TRAPPC10: variants seen among roughly 807,000 people sequenced by gnomAD.
TRAPPC10 encodes the protein TRAPP 130 kDa subunit.
TRAPPC10 carries 23 observed loss-of-function variants against 125.5 expected under a neutral mutation model. The observed-to-expected ratio is 0.18, with a 90% CI of 0.13 to 0.26. TRAPPC10 has a LOEUF of 0.26. Among genes scored for constraint, TRAPPC10 ranks in the 10% least tolerant of loss-of-function variants. TRAPPC10 has a pLI of 1.00. For missense variants in TRAPPC10, 1,123 were observed against 1,308.4 expected (o/e 0.86, Z 2.19); for synonymous variants, 509 against 518.0 (o/e 0.98, Z 0.24).
At chr21:44,014,149 A>G (rs2031525214) in intron 1 of TRAPPC10, among the ~76,000 whole-genome samples, 3 of 152,194 alleles carry the variant, frequency 2.0e-5, no homozygotes, top group Admixed American at 2.0e-4. Flanking sequence ...ATATGTATTT[A>G]TAGGCATTAT....
rs1286372512 is a variant in TRAPPC10 at position 44,084,148 on chromosome 21, C to T, written c.2265C>T (p.Leu755=). The change falls in exon 15 of 23, where the codon CTC becomes CTT. Residue 755 remains leucine (L), a synonymous_variant. Coordinates refer to ENST00000291574, the MANE Select transcript of TRAPPC10 (RefSeq NM_003274.5). ...CCAAGGAACCTGGAACGTATACACT[C>T]AGGCAGCTGTGCGCCTCGGTGGGCT... ...TQAKEPGTYT[L]RQLCASVGSV... is the part of the protein sequence containing the mutation. 3.1e-6 allele frequency: 5 copies of T among 1,614,112 alleles called. No homozygotes were observed. In the Admixed American group the frequency reaches 5.0e-5, roughly 16 times the overall value.
chr21:44,057,606 G>T (rs931009639), intron 5 of TRAPPC10, among the ~76,000 whole-genome samples: 5 of 152,292 alleles, frequency 3.3e-5, no homozygotes, highest in Admixed American at 3.3e-4. Flanking sequence ...TTTAAAAATG[G>T]TTAAGATGGT....
chr21:44,014,258 T>A (rs554708807), intron 1 of TRAPPC10, among the ~76,000 whole-genome samples: 1 of 152,298 alleles, frequency 6.6e-6, no homozygotes, highest in African/African-American at 2.4e-5. Flanking sequence ...TTGGAGATAT[T>A]TAATGTTTAG....
At chr21:44,075,443 T>C (rs1447617849) in intron 9 of TRAPPC10, among the ~76,000 whole-genome samples, 3 of 152,148 alleles carry the variant, frequency 2.0e-5, no homozygotes, top group Non-Finnish European at 4.4e-5. Flanking sequence ...CCACTGTCTC[T>C]CTGAATTACA....
intron 3 of TRAPPC10, among the ~76,000 whole-genome samples, chr21:44,038,520 G>T (rs1339106988): frequency 6.6e-6 from 1 of 151,964 alleles, no homozygotes; most frequent in African/African-American, 2.4e-5. Flanking sequence ...TCCGTGGAAC[G>T]AGTGGGCCTC....
At chr21:44,019,423 C>T (rs1318581376) in intron 1 of TRAPPC10, among the ~76,000 whole-genome samples, 2 of 152,200 alleles carry the variant, frequency 1.3e-5, no homozygotes, top group Non-Finnish European at 2.9e-5. Flanking sequence ...CTCAGAGCTT[C>T]CTGTGGCTTC....
chr21:44,093,396 A>G lies in TRAPPC10; in HGVS notation c.2998-667A>G, dbSNP rs762863338. 3.3e-5 allele frequency among the ~76,000 whole-genome samples: 5 copies of G among 152,166 alleles called. No individual in the cohort carries two copies. In the East Asian group the frequency reaches 5.8e-4, roughly 18 times the overall value. ...CTTGAACCTGGGAGGTTGGGCTGCA[A>G]TGAGCTGTGATCACACCACAGCACT... On this transcript the variant is annotated intron_variant, in intron 19 of 22. Coordinates refer to ENST00000291574, the MANE Select transcript of TRAPPC10 (RefSeq NM_003274.5).
rs150134610 is a variant in TRAPPC10, at chr21:44,101,035, A to G, written c.3347-1743A>G. On this transcript the variant is annotated intron_variant, in intron 21 of 22. Coordinates refer to ENST00000291574, the MANE Select transcript of TRAPPC10 (RefSeq NM_003274.5). ...GCTGGGCGTGGTGGCAGGCGCCTAT[A>G]AGCCCAGCTACTTGGGAGGCTGAGG... is the stretch of plus-strand genomic sequence containing the variant. 8.4e-5 allele frequency among the ~76,000 whole-genome samples: 6 copies of G among 71,686 alleles called. 3 individuals carry two copies. The Admixed American group carries it at 9.1e-4, about 11-fold the overall frequency. The allele number at this position is 71,686 out of a possible 152,430, so 47.0% of individuals were successfully genotyped here.
Position 44,063,262 on chromosome 21 carries a change from G to A in TRAPPC10, c.791-276G>A, listed in dbSNP as rs1194183961. Reference sequence around the variant, plus strand: ...CTGAGCTCCCCTAACCATGTAGCCTGTCTGTCTCTGGGTGACTTCCCAACC... The same window carrying A: ...CTGAGCTCCCCTAACCATGTAGCCTATCTGTCTCTGGGTGACTTCCCAACC... On this transcript the variant is annotated intron_variant, in intron 6 of 22. Transcript: ENST00000291574. The surrounding 1 kb of genome is among the most constrained non-coding windows in gnomAD (Gnocchi z 4.4). The A allele has an allele frequency of 1.6e-6, 2 of 1,254,286 alleles. No individual in the cohort carries two copies. 77.7% of individuals were successfully genotyped at this position (1,254,286 alleles called of 1,614,324 possible).
intron 1 of TRAPPC10, among the ~76,000 whole-genome samples, chr21:44,017,737 G>T (rs1025040679): frequency 2.1e-5 from 3 of 146,038 alleles, no homozygotes; most frequent in Admixed American, 6.8e-5. Flanking sequence ...TCTCCCTTTG[G>T]TTTTTTTTTT....
chr21:44,091,831 C>T, intron 18 of TRAPPC10, 92 bp from the exon 19 acceptor site: 1 of 1,237,446 alleles, frequency 8.1e-7, no homozygotes, highest in East Asian at 2.6e-5. Context: ...TTTTTTGATT[C>T]CCCAGGCAGA....
intron 7 of TRAPPC10, among the ~76,000 whole-genome samples, chr21:44,073,699 G>A (rs1343923675): frequency 2.0e-5 from 3 of 152,044 alleles, no homozygotes; most frequent in African/African-American, 7.2e-5. Context: ...ACAGACATTG[G>A]GTTTCACCTG....
At chr21:44,030,844 G>C (rs1237278538) in intron 1 of TRAPPC10, among the ~76,000 whole-genome samples, 1 of 152,190 alleles carries the variant, frequency 6.6e-6, no homozygotes, top group Non-Finnish European at 1.5e-5. Flanking sequence ...TACTGTTTTT[G>C]TGTTAACAAA....
chr21:44,032,422 G>A (rs2033658713), intron 2 of TRAPPC10, among the ~76,000 whole-genome samples: 2 of 129,070 alleles, frequency 1.5e-5, no homozygotes, highest in Non-Finnish European at 3.1e-5. Context: ...TCGTTCTGTC[G>A]CCCAGGCTGG....
intron 3 of TRAPPC10, among the ~76,000 whole-genome samples, chr21:44,048,417 T>C (rs2035003788): frequency 6.6e-6 from 1 of 152,200 alleles, no homozygotes; most frequent in Admixed American, 6.5e-5. Context: ...TTGTCCTTTG[T>C]TCCTTGGTGT....
chr21:44,090,274 G>A (rs937516146), intron 18 of TRAPPC10, among the ~76,000 whole-genome samples: 10 of 152,046 alleles, frequency 6.6e-5, no homozygotes, highest in African/African-American at 2.2e-4. Flanking sequence ...CTGGACGCCC[G>A]CCTTTCTGGA....
chr21:44,075,369 G>A (rs2037200617), intron 9 of TRAPPC10, among the ~76,000 whole-genome samples: 1 of 152,218 alleles, frequency 6.6e-6, no homozygotes, highest in Non-Finnish European at 1.5e-5. Flanking sequence ...ATTGGAAGGA[G>A]TTTCAGAAAT....
In TRAPPC10 at chr21:44,037,226, CA is replaced by C. The variant is rs1373966245; in HGVS notation, c.150-565del. On this transcript the variant is annotated intron_variant, in intron 2 of 22. Coordinates refer to ENST00000291574, the MANE Select transcript of TRAPPC10 (RefSeq NM_003274.5). ...GTCACTGAGAGCCTTGGATGAGATG[CA>C]GGGGGCGTGTGGGATTTCTTGATGG... is the stretch of plus-strand genomic sequence containing the variant. 2.0e-5 allele frequency among the ~76,000 whole-genome samples: 3 copies of C among 152,144 alleles called. No homozygotes were observed. In the East Asian group the frequency reaches 5.8e-4, roughly 29 times the overall value.
intron 7 of TRAPPC10, among the ~76,000 whole-genome samples, chr21:44,068,325 A>G (rs2145964865): frequency 6.6e-6 from 1 of 152,264 alleles, no homozygotes; most frequent in Middle Eastern, 3.4e-3. Flanking sequence ...AGTGCGTTTC[A>G]GGTGGAGAAG....
Sources: gnomAD v4.1 joint callset for allele counts (sites outside exome capture counted in the v4.1 genomes callset) on GRCh38, gnomAD v4.1.1 for gene constraint, Gnocchi (gnomAD v3.1) non-coding constraint, MANE v1.5 for transcripts, NCBI Gene and HGNC (gene_info 2026-07-23, HGNC 2026-07-21) for gene names.